CSDE1: variants seen among roughly 807,000 people sequenced by gnomAD.
The protein encoded by CSDE1 is cold shock domain containing E1.
In CSDE1, 17 loss-of-function variants were observed where a neutral mutation model predicts 89.3. The ratio of observed to expected loss-of-function variants is 0.19; its 90% CI spans 0.13 to 0.29. The LOEUF (loss-of-function observed/expected upper bound fraction) is 0.29, where lower values mean the gene tolerates loss of function less well. CSDE1 is among the 10% of genes least tolerant of loss of function. CSDE1 has a pLI of 1.00. For synonymous variants in CSDE1, 322 were observed against 332.8 expected, an observed-to-expected ratio of 0.97 and a Z score of 0.35; for missense variants, 672 against 984.2, an observed-to-expected ratio of 0.68 and a Z score of 4.24.
chr1:114,757,075 G>A (rs757086428), intron 1 of CSDE1, among the ~76,000 whole-genome samples: 2 of 152,212 alleles, frequency 1.3e-5, no homozygotes, highest in East Asian at 1.9e-4. Flanking sequence ...TGGAAGGGAG[G>A]ACACTACTGA....
In CSDE1 at chr1:114,725,215, T is replaced by G. The variant is rs756947500; in HGVS notation, c.1753+6A>C. 6.2e-7 allele frequency: 1 copy of G among 1,611,708 alleles called. No individual in the cohort carries two copies. Among genetic ancestry groups the G allele is most frequent in the Non-Finnish European group, 8.5e-7 (1 of 1,177,784 alleles). Reference sequence around the variant, plus strand: ...ACAGGCTGAATAAGAAGTCACAATTTATTACCTGAGTGTGTTTTGTTCACT... The same window carrying G: ...ACAGGCTGAATAAGAAGTCACAATTGATTACCTGAGTGTGTTTTGTTCACT... On this transcript the variant is annotated splice_donor_region_variant and intron_variant, in intron 15 of 19. Transcript: ENST00000358528.
rs1660431711 is a variant in CSDE1, at chr1:114,736,864, TAATA to T, written c.403-13_403-10del. Reference sequence around the variant, plus strand: ...GTCAGATAAAACACTTCCTGTGAATTAATAAATCATTATTACTATTTTGGCAGGA... The same window carrying T: ...GTCAGATAAAACACTTCCTGTGAATTAATCATTATTACTATTTTGGCAGGA... On this transcript the variant is annotated splice_polypyrimidine_tract_variant and intron_variant, in intron 5 of 19. Coordinates refer to ENST00000358528, the MANE Select transcript of CSDE1 (RefSeq NM_001007553.3). 1 of 1,586,642 alleles carries T rather than the reference TAATA, an allele frequency of 6.3e-7. No individual in the cohort carries two copies. The highest frequency in any genetic ancestry group is 8.6e-7 in the Non-Finnish European group (1 of 1,157,022).
intron 7 of CSDE1, 109 bp downstream of exon 7, chr1:114,734,333 A>AT: frequency 8.8e-7 from 1 of 1,131,986 alleles, no homozygotes; most frequent in Non-Finnish European, 1.3e-6. Context: ...ACAGTGAAAT[A>AT]TTTTAAAAGG....
chr1:114,752,991 C>T (rs745563684), intron 1 of CSDE1, among the ~76,000 whole-genome samples: 22 of 152,134 alleles, frequency 1.4e-4, no homozygotes, highest in Non-Finnish European at 2.5e-4. Context: ...AGCAAAAGGA[C>T]GCCACAATTC....
intron 15 of CSDE1, 196 bp from the exon 16 acceptor site, chr1:114,724,198 A>C: frequency 2.6e-6 from 1 of 390,054 alleles, no homozygotes; most frequent in Non-Finnish European, 4.6e-6. Context: ...AACTACCAAA[A>C]TGCCTGCTTT....
chr1:114,742,226 C>T (rs532749339), intron 2 of CSDE1, among the ~76,000 whole-genome samples: 8 of 152,078 alleles, frequency 5.3e-5, no homozygotes, highest in Non-Finnish European at 7.4e-5. Flanking sequence ...TTGCTCTTAC[C>T]GTATTACCGT....
chr1:114,736,709 G>T (rs1259701901), intron 6 of CSDE1, 49 bp downstream of exon 6: 1 of 1,181,640 alleles, frequency 8.5e-7, no homozygotes, highest in Non-Finnish European at 1.2e-6. Flanking sequence ...TAATGGAGGG[G>T]GGAAAAAAAA....
chr1:114,723,749 T>A, intron 16 of CSDE1, 134 bp downstream of exon 16: 1 of 1,235,250 alleles, frequency 8.1e-7, no homozygotes, highest in Non-Finnish European at 1.2e-6. Flanking sequence ...AAAGCAAGCA[T>A]GAGAGAGGTC....
intron 15 of CSDE1, 60 bp from the exon 16 acceptor site, chr1:114,724,062 C>A: frequency 5.2e-6 from 8 of 1,543,162 alleles, no homozygotes; most frequent in Admixed American, 3.9e-5. Context: ...CATAGAAAGA[C>A]AAGTAAGCAA....
chr1:114,727,129 CAA>C, intron 12 of CSDE1, 39 bp from the exon 13 acceptor site: 1 of 1,439,564 alleles, frequency 6.9e-7, no homozygotes, highest in Middle Eastern at 1.7e-4. Context: ...AAAACAATCT[CAA>C]GAACAAAAAC....
chr1:114,737,558 C>T lies in CSDE1; in HGVS notation c.315G>A (p.Val105=). The change falls in exon 5 of 20, where the codon GTG becomes GTA. Residue 105 remains valine, a synonymous_variant. Transcript: ENST00000358528. The stretch of plus-strand genomic sequence containing the variant: ...TCTCTAAGTTGTGAGGAACAGCGCA[C>T]ACAACCTACCAGTCAAAAAAAAAAA... ...LPEERMNGQV[V]CAVPHNLESK... 1 of 1,611,864 alleles carries T rather than the reference C, an allele frequency of 6.2e-7. No homozygotes were observed. The highest frequency in any genetic ancestry group is 8.5e-7 in the Non-Finnish European group (1 of 1,178,906).
intron 17 of CSDE1, 119 bp downstream of exon 17, chr1:114,720,420 A>T: frequency 1.1e-6 from 1 of 948,710 alleles, no homozygotes; most frequent in Non-Finnish European, 1.5e-6. Flanking sequence ...AAAAAAGGTG[A>T]AGTAGAAATA....
chr1:114,752,720 G>A (rs1661373809), intron 1 of CSDE1, among the ~76,000 whole-genome samples: 1 of 152,166 alleles, frequency 6.6e-6, no homozygotes, highest in Non-Finnish European at 1.5e-5. Flanking sequence ...AGCCTTTCTT[G>A]ACCATTCCAG....
rs1257909725 is a variant in CSDE1 at position 114,732,703 on chromosome 1, C to T, written c.951G>A (p.Arg317=). Reference sequence around the variant, plus strand: ...CACGTCGGTCTGTTGAAATATTAAACCTAACATGGTCACCTTCCAGCAGGG... The same window carrying T: ...CACGTCGGTCTGTTGAAATATTAAATCTAACATGGTCACCTTCCAGCAGGG... The part of the protein sequence containing the change: ...KVTLLEGDHV[R]FNISTDRRDK... Residue 317 remains arginine, a synonymous_variant, in exon 10 of 20, where the codon AGG becomes AGA. Coordinates refer to ENST00000358528, the MANE Select transcript of CSDE1 (RefSeq NM_001007553.3). 2.5e-6 allele frequency: 4 copies of T among 1,613,994 alleles called. No homozygotes were observed. Among genetic ancestry groups the T allele is most frequent in the Admixed American group, 1.7e-5 (1 of 59,990 alleles).
At chr1:114,726,490 C>T in intron 13 of CSDE1, 104 bp from the exon 14 acceptor site, 3 of 853,328 alleles carry the variant, frequency 3.5e-6, no homozygotes, top group South Asian at 4.6e-5. Flanking sequence ...CTTTTCATTC[C>T]AAATATCCTT....
chr1:114,719,829 G>A, intron 17 of CSDE1, 87 bp from the exon 18 acceptor site: 3 of 1,304,302 alleles, frequency 2.3e-6, no homozygotes, highest in Non-Finnish European at 3.2e-6. Context: ...CTAAAAGGAT[G>A]TATAAAACAT....
At chr1:114,743,084 C>T (rs1385167926) in intron 2 of CSDE1, among the ~76,000 whole-genome samples, 1 of 152,122 alleles carries the variant, frequency 6.6e-6, no homozygotes, top group African/African-American at 2.4e-5. Flanking sequence ...AACTTGAGAA[C>T]CATTATTCTA....
chr1:114,752,872 T>C (rs970550236), intron 1 of CSDE1, among the ~76,000 whole-genome samples: 3 of 152,212 alleles, frequency 2.0e-5, no homozygotes, highest in Non-Finnish European at 2.9e-5. Flanking sequence ...TCCAATTCTA[T>C]TTCAAATTTC....
At chr1:114,756,762 C>T (rs1184815677) in intron 1 of CSDE1, 1 of 152,168 alleles carries the variant, frequency 6.6e-6, no homozygotes, top group Non-Finnish European at 1.5e-5. Context: ...GTGCAAAACA[C>T]GAAAATTAAC....
Sources: allele counts gnomAD v4.1 joint callset (sites outside exome capture counted in the v4.1 genomes callset), GRCh38; gene constraint gnomAD v4.1.1; transcripts MANE v1.5; gene names NCBI Gene and HGNC (gene_info 2026-07-23, HGNC 2026-07-21).